The following BMP6 variants were observed in gnomAD, a reference collection of about 807,000 sequenced individuals.
BMP6 encodes VG-1-R.
Under a neutral mutation model 54.1 loss-of-function variants are expected in BMP6, and 17 were observed. That is an observed-to-expected ratio of 0.31 (90% CI 0.22 to 0.47). BMP6 has a LOEUF of 0.47. Ranked by LOEUF, BMP6 falls within the 20% of genes least tolerant of loss-of-function variation. BMP6 has a pLI of 1.00. For missense variants in BMP6, 720 were observed against 690.4 expected (o/e 1.04, Z -0.48); for synonymous variants, 328 against 291.2 (o/e 1.13, Z -1.28).
At chr6:7,744,532 C>T (rs979103481) in intron 1 of BMP6, among the ~76,000 whole-genome samples, 4 of 152,080 alleles carry the variant, frequency 2.6e-5, no homozygotes, top group Non-Finnish European at 5.9e-5. Context: ...TGCTTGCCTG[C>T]CATTAAAGTT....
intron 1 of BMP6, among the ~76,000 whole-genome samples, chr6:7,742,348 C>T (rs928227615): frequency 9.9e-5 from 15 of 152,280 alleles, no homozygotes; most frequent in Non-Finnish European, 1.3e-4. Context: ...CAGAAAGCTT[C>T]GAGCTTTCAT....
chr6:7,863,042 A>G (rs560579079), intron 4 of BMP6, among the ~76,000 whole-genome samples: 9 of 152,280 alleles, frequency 5.9e-5, no homozygotes, highest in Non-Finnish European at 1.2e-4. Context: ...TCTGTCGCCC[A>G]GGCTGGAGTG....
chr6:7,825,590 C>T (rs763612237), intron 1 of BMP6, among the ~76,000 whole-genome samples: 7 of 152,002 alleles, frequency 4.6e-5, no homozygotes, highest in Non-Finnish European at 8.8e-5. Context: ...CATGGTGGCG[C>T]ATGCCTGTAA....
chr6:7,807,129 C>T (rs1758357684), intron 1 of BMP6, among the ~76,000 whole-genome samples: 1 of 152,158 alleles, frequency 6.6e-6, no homozygotes, highest in African/African-American at 2.4e-5. Flanking sequence ...GTAATACTCT[C>T]CTTATGATTG....
chr6:7,846,267 A>C (rs267193), intron 2 of BMP6, among the ~76,000 whole-genome samples: 68,262 of 152,014 alleles, frequency 0.45, 15,940 homozygotes, highest in East Asian at 0.78. Flanking sequence ...GATTTGTCAG[A>C]TTTGGTTTTA....
Position 7,879,063 on chromosome 6 carries a change from T to A in BMP6, c.1205-11T>A. 6.2e-7 allele frequency: 1 copy of A among 1,612,284 alleles called. No individual in the cohort carries two copies. The highest frequency in any genetic ancestry group is 1.1e-5 in the South Asian group (1 of 91,046). On this transcript the variant is annotated splice_polypyrimidine_tract_variant and intron_variant, in intron 4 of 6. Coordinates refer to ENST00000283147, the MANE Select transcript of BMP6 (RefSeq NM_001718.6). Reference sequence around the variant, plus strand: ...CTTTTGATGGGTGCATCTTTTGATCTCCTCCAACAGATTACAACAGCAGTG... The same window carrying A: ...CTTTTGATGGGTGCATCTTTTGATCACCTCCAACAGATTACAACAGCAGTG...
intron 2 of BMP6, among the ~76,000 whole-genome samples, chr6:7,851,574 T>C (rs1307485561): frequency 6.6e-6 from 1 of 152,182 alleles, no homozygotes; most frequent in Non-Finnish European, 1.5e-5. Context: ...TATTTCTCTT[T>C]TTCTTGCTTT....
chr6:7,799,543 A>C (rs1261228261), intron 1 of BMP6, among the ~76,000 whole-genome samples: 4 of 152,146 alleles, frequency 2.6e-5, no homozygotes. Context: ...ATAGACAATG[A>C]TGAAATTAAG....
At chr6:7,769,073 C>A (rs1213177682) in intron 1 of BMP6, among the ~76,000 whole-genome samples, 1 of 152,198 alleles carries the variant, frequency 6.6e-6, no homozygotes, top group Non-Finnish European at 1.5e-5. Context: ...TAAGCACATT[C>A]ACTGAGTATG....
At chr6:7,861,359 G>T in intron 2 of BMP6, 92 bp from the exon 3 acceptor site, 1 of 1,497,420 alleles carries the variant, frequency 6.7e-7, no homozygotes, top group South Asian at 1.3e-5. Context: ...GATCTGACTC[G>T]GGCATGTTTT....
intron 1 of BMP6, among the ~76,000 whole-genome samples, chr6:7,823,862 C>T (rs931500217): frequency 1.3e-5 from 2 of 152,158 alleles, no homozygotes; most frequent in Admixed American, 6.5e-5. Flanking sequence ...AGGCTTTGTG[C>T]ACCACCCTAA....
chr6:7,863,848 A>T (rs571524392), intron 4 of BMP6, among the ~76,000 whole-genome samples: 11 of 152,112 alleles, frequency 7.2e-5, no homozygotes, highest in African/African-American at 2.7e-4. Flanking sequence ...GTGAAACCCC[A>T]TCCCTACTAA....
At chr6:7,777,847 T>C (rs560335956) in intron 1 of BMP6, among the ~76,000 whole-genome samples, 1 of 151,758 alleles carries the variant, frequency 6.6e-6, no homozygotes, top group Non-Finnish European at 1.5e-5. Flanking sequence ...GCAGTGGGAC[T>C]CTCCCAAGCG....
rs192202236 is a variant in BMP6 at position 7,775,387 on chromosome 6, A to C, written c.664+47768A>C. Among the ~76,000 whole-genome samples, 372 of 152,302 alleles carry C rather than the reference A, an allele frequency of 2.4e-3. 1 individual carries two copies. Among genetic ancestry groups the C allele is most frequent in the African/African-American group, 8.6e-3 (358 of 41,570 alleles). On this transcript the variant is annotated intron_variant, in intron 1 of 6. Coordinates refer to ENST00000283147, the MANE Select transcript of BMP6 (RefSeq NM_001718.6). ...CTGAAGTGGTCCTGAATGGCTGTGG[A>C]GACCAAGCTTTTATTTTGGAAAGAT...
intron 1 of BMP6, among the ~76,000 whole-genome samples, chr6:7,817,375 C>T (rs1157971474): frequency 6.6e-6 from 1 of 151,772 alleles, no homozygotes; most frequent in Non-Finnish European, 1.5e-5. Context: ...CACATATACA[C>T]CATGGAATAC....
chr6:7,852,117 G>A (rs267200), intron 2 of BMP6, among the ~76,000 whole-genome samples: 11,400 of 152,224 alleles, frequency 0.075, 612 homozygotes, highest in Middle Eastern at 0.19. Context: ...TCTAGATACT[G>A]TTATCTCCTT....
chr6:7,743,962 C>G (rs1757307119), intron 1 of BMP6, among the ~76,000 whole-genome samples: 1 of 152,164 alleles, frequency 6.6e-6, no homozygotes, highest in African/African-American at 2.4e-5. Context: ...TTTGAGGAAG[C>G]AAATTCCAAG....
chr6:7,845,604 G>A (rs143748757), intron 2 of BMP6, among the ~76,000 whole-genome samples: 2 of 152,150 alleles, frequency 1.3e-5, no homozygotes, highest in Non-Finnish European at 2.9e-5. Flanking sequence ...ATTTATTAGG[G>A]TTAAAATGTT....
chr6:7,776,937 T>A (rs1757870076), intron 1 of BMP6, among the ~76,000 whole-genome samples: 1 of 152,256 alleles, frequency 6.6e-6, no homozygotes, highest in South Asian at 2.1e-4. Context: ...TTCTTAAAAA[T>A]ACTGCTCAGT....
Sources: gnomAD v4.1 joint callset for allele counts (sites outside exome capture counted in the v4.1 genomes callset) on GRCh38, gnomAD v4.1.1 for gene constraint, MANE v1.5 for transcripts, NCBI Gene and HGNC (gene_info 2026-07-23, HGNC 2026-07-21) for gene names.